RSPH10B2: variants seen among roughly 807,000 people sequenced by gnomAD.
RSPH10B2 encodes the protein radial spoke head 10 homolog B2 (Chlamydomonas).
A neutral mutation model predicts 49.0 loss-of-function variants in RSPH10B2; 9 were observed. The observed-to-expected ratio is 0.18, with a 90% CI of 0.11 to 0.32. The LOEUF (loss-of-function observed/expected upper bound fraction) is 0.32, where lower values mean the gene tolerates loss of function less well. Ranked by LOEUF, RSPH10B2 falls within the 10% of genes least tolerant of loss-of-function variation. The pLI is 1.00. For missense variants in RSPH10B2, 95 were observed against 589.9 expected, an observed-to-expected ratio of 0.16 and a Z score of 8.69; for synonymous variants, 35 against 210.2, an observed-to-expected ratio of 0.17 and a Z score of 7.21.
chr7:6,782,765 C>A (rs1693163195), intron 13 of RSPH10B2, among the ~76,000 whole-genome samples: 1 of 115,844 alleles, frequency 8.6e-6, no homozygotes, highest in Non-Finnish European at 1.8e-5. Flanking sequence ...AGCCTGTAAT[C>A]CCAGCCACTT....
Position 6,798,747 on chromosome 7 carries a change from A to AAAAC in RSPH10B2, c.*206_*209dup, listed in dbSNP as rs1285657972. 5 of 149,338 alleles carry AAAAC rather than the reference A, an allele frequency of 3.3e-5. 1 individual carries two copies. The highest frequency in any genetic ancestry group is 4.0e-5 in the Non-Finnish European group (4 of 99,140). The allele number at this position is 149,338 out of a possible 1,614,324, so 9.3% of individuals were successfully genotyped here. On this transcript the variant is annotated 3_prime_UTR_variant, in exon 19 of 19. Transcript: ENST00000297186. ...GAGACCCCCCCATCTCTGCAAAATT[A>AAAAC]AAACATCAGCCGACCGTGGTGGTGT...
chr7:6,764,166 G>A (rs1257992589), intron 4 of RSPH10B2, 65 bp downstream of exon 6: 5 of 332,422 alleles, frequency 1.5e-5, no homozygotes, highest in South Asian at 7.4e-5. Context: ...GGACATGGGG[G>A]GGGCAGCCAT....
At position 6,781,591 on chromosome 7, in the gene RSPH10B2, G is replaced by A; in HGVS notation, c.1758+115G>A. On this transcript the variant is annotated intron_variant, in intron 13 of 18. Transcript: ENST00000297186. The stretch of plus-strand genomic sequence containing the variant: ...AATTATCAGGTGAAGATCTGGGCTG[G>A]GTTTTCAGGACCATTAAATGTTTAC... 3 of 1,182,718 alleles carry A rather than the reference G, an allele frequency of 2.5e-6. 1 individual carries two copies. Among genetic ancestry groups the A allele is most frequent in the Non-Finnish European group, 3.3e-6 (3 of 912,494 alleles). 73.3% of individuals were successfully genotyped at this position (1,182,718 alleles called of 1,614,324 possible).
rs3109231 is a variant in RSPH10B2, at chr7:6,793,016, T to C, written c.2233+1019T>C. The stretch of plus-strand genomic sequence containing the variant: ...CCTCAGGTGATCTGCCTGCCTCGGC[T>C]TCCTAAAGTTCTGAGATTACAGGTG... On this transcript the variant is annotated intron_variant, in intron 17 of 18. Coordinates refer to ENST00000297186, the Ensembl canonical transcript of RSPH10B2. 8.2e-4 allele frequency among the ~76,000 whole-genome samples: 90 copies of C among 109,612 alleles called. 1 individual carries two copies. Among genetic ancestry groups the C allele is most frequent in the Admixed American group, 3.0e-3 (29 of 9,642 alleles). 71.9% of individuals were successfully genotyped at this position (109,612 alleles called of 152,430 possible).
intron 13 of RSPH10B2, among the ~76,000 whole-genome samples, chr7:6,784,542 G>T (rs1583523978): frequency 2.1e-5 from 1 of 48,296 alleles, no homozygotes; most frequent in Non-Finnish European, 3.3e-5. Flanking sequence ...CTGAACATTT[G>T]AGTACAGTAA....
At chr7:6,779,881 T>C (rs2428899) in intron 11 of RSPH10B2, among the ~76,000 whole-genome samples, 157 bp downstream of exon 13, 25,555 of 111,314 alleles carry the variant, frequency 0.23, 3,733 homozygotes, top group African/African-American at 0.37. Context: ...AATCTTGGCT[T>C]ACTGCAACCT....
intron 11 of RSPH10B2, 76 bp downstream of exon 13, chr7:6,779,800 C>CTTCAG (rs1447955336): frequency 3.6e-5 from 10 of 278,686 alleles, no homozygotes; most frequent in Non-Finnish European, 5.2e-5. Flanking sequence ...GCCCTCTTTT[C>CTTCAG]TTCAGCAGTC....
chr7:6,793,840 T>A (rs1782447044), intron 17 of RSPH10B2, among the ~76,000 whole-genome samples: 1 of 141,870 alleles, frequency 7.0e-6, no homozygotes, highest in Non-Finnish European at 1.5e-5. Context: ...AGACTCCATA[T>A]CAAAAAAAAA....
At chr7:6,764,293 C>T (rs1334449225) in intron 4 of RSPH10B2, among the ~76,000 whole-genome samples, 192 bp downstream of exon 6, 2 of 146,216 alleles carry the variant, frequency 1.4e-5, no homozygotes, top group Admixed American at 6.8e-5. Flanking sequence ...GGGCTAGCGG[C>T]GCTGTCCAGG....
In RSPH10B2 at chr7:6,764,384, G is replaced by A. The variant is rs1390598317; in HGVS notation, c.573+283G>A. On this transcript the variant is annotated intron_variant, in intron 4 of 18. Transcript: ENST00000297186. ...TTATTAATTTTTTTTTTTTTGAGATGGAGTCTTGCTCTGTCGCCCAGGCGG... is the reference window on the plus strand; with the variant it reads ...TTATTAATTTTTTTTTTTTTGAGATAGAGTCTTGCTCTGTCGCCCAGGCGG... Among the ~76,000 whole-genome samples the A allele has an allele frequency of 3.3e-5, 5 of 149,930 alleles. No individual in the cohort carries two copies. The East Asian group carries it at 6.1e-4, about 18-fold the overall frequency.
upstream of RSPH10B2, among the ~76,000 whole-genome samples, chr7:6,756,245 G>A (rs1318970841): frequency 2.9e-5 from 4 of 140,284 alleles, no homozygotes; most frequent in Non-Finnish European, 6.1e-5. Context: ...ACTCCAGCCT[G>A]GGCAAGAGAG....
At chr7:6,761,054 G>GT (rs1322193372) in intron 3 of RSPH10B2, among the ~76,000 whole-genome samples, 3 of 35,936 alleles carry the variant, frequency 8.3e-5, no homozygotes, top group Admixed American at 3.5e-4. Flanking sequence ...CATTCATGTA[G>GT]ATCTGTTTTT....
intron 4 of RSPH10B2, among the ~76,000 whole-genome samples, chr7:6,764,506 G>A (rs1343152366): frequency 3.3e-5 from 5 of 150,238 alleles, no homozygotes; most frequent in South Asian, 2.1e-4. Context: ...GACTACAGGT[G>A]TGCACCACCA....
chr7:6,776,872 A>ATC (rs1430562193), intron 10 of RSPH10B2, among the ~76,000 whole-genome samples: 905 of 41,062 alleles, frequency 0.022, 24 homozygotes, highest in African/African-American at 0.077. Context: ...GCGAGACTCC[A>ATC]TCACACACAC....
At chr7:6,781,940 T>G (rs1781953065) in intron 13 of RSPH10B2, among the ~76,000 whole-genome samples, 1 of 108,328 alleles carries the variant, frequency 9.2e-6, no homozygotes, top group Non-Finnish European at 1.8e-5. Context: ...TGAGACGGAG[T>G]TTTGCTCTTG....
chr7:6,796,628 C>T (rs2528353), exon 18 of RSPH10B2: 44,482 of 1,104,844 alleles, frequency 0.04, 17,379 homozygotes, highest in South Asian at 0.34. Context: ...GTCAATAATA[C>T]GTACGTCTTC....
intron 13 of RSPH10B2, among the ~76,000 whole-genome samples, chr7:6,783,521 G>A (rs2115459761): frequency 7.6e-6 from 1 of 132,412 alleles, no homozygotes; most frequent in African/African-American, 3.0e-5. Context: ...CACCCAGGCT[G>A]GAGTACAGTG....
At position 6,765,890 on chromosome 7, in the gene RSPH10B2, G is replaced by T. The variant is rs1392066366; in HGVS notation, c.659+99G>T. The T allele has an allele frequency of 1.3e-5, 13 of 1,034,806 alleles. 1 individual carries two copies. 64.1% of individuals were successfully genotyped at this position (1,034,806 alleles called of 1,614,324 possible). On this transcript the variant is annotated intron_variant, in intron 5 of 18. Transcript: ENST00000297186. The stretch of plus-strand genomic sequence containing the variant: ...TATTTAAAAGTAAGATGCAAAAGTT[G>T]CATGGAACATTTTCTCTCTAAGCAG...
rs1430017196 is a variant in RSPH10B2 at position 6,792,549 on chromosome 7, C to T, written c.2233+552C>T. Among the ~76,000 whole-genome samples the T allele has an allele frequency of 1.8e-5, 2 of 110,188 alleles. 1 individual carries two copies. Among genetic ancestry groups the T allele is most frequent in the Middle Eastern group, 8.6e-3 (2 of 232 alleles). The allele number at this position is 110,188 out of a possible 152,430, so 72.3% of individuals were successfully genotyped here. A position where few individuals can be genotyped will look rare whatever the true frequency, so the allele number is the denominator to read the frequency against. On this transcript the variant is annotated intron_variant, in intron 17 of 18. Transcript: ENST00000297186. ...ATGTTTTCCTTTATCCTGGGAAGAT[C>T]GCTCTTGAGGCCTCTCTGTCTGCTG...
Sources: allele counts gnomAD v4.1 joint callset (sites outside exome capture counted in the v4.1 genomes callset), GRCh38; gene constraint gnomAD v4.1.1; transcripts MANE v1.5; gene names NCBI Gene and HGNC (gene_info 2026-07-23, HGNC 2026-07-21).